Variants in NRXN2 observed in about 807,000 individuals in gnomAD.
NRXN2 encodes neurexin 2, also known as neurexin-2-beta.
Under a neutral mutation model 128.8 loss-of-function variants are expected in NRXN2, and 29 were observed. The ratio of observed to expected loss-of-function variants is 0.23; its 90% CI spans 0.17 to 0.31. NRXN2 has a LOEUF of 0.31. NRXN2 is among the 10% of genes least tolerant of loss of function. The probability of loss-of-function intolerance (pLI) is 1.00; values close to 1 mark genes in which losing one functional copy is unlikely to be tolerated. For missense variants in NRXN2, 1,881 were observed against 2,452.6 expected (o/e 0.77, Z 4.92); for synonymous variants, 1,098 against 1,075.2 (o/e 1.02, Z -0.41).
intron 17 of NRXN2, chr11:64,642,920 C>T (rs2045961782): frequency 1.9e-6 from 2 of 1,026,166 alleles, no homozygotes; most frequent in South Asian, 4.6e-5. Flanking sequence ...AGGGATGAAG[C>T]GGAGGTAAAC....
intron 2 of NRXN2, among the ~76,000 whole-genome samples, chr11:64,704,625 G>GAGAGAA (rs1316593245): frequency 5.9e-5 from 3 of 51,126 alleles, no homozygotes; most frequent in Admixed American, 2.3e-4. Context: ...CACACACACA[G>GAGAGAA]AGAGAGAGAG....
chr11:64,639,611 C>T (rs2045349082), intron 17 of NRXN2, among the ~76,000 whole-genome samples: 3 of 152,046 alleles, frequency 2.0e-5, no homozygotes, highest in Non-Finnish European at 4.4e-5. Context: ...GCCAGTCCTC[C>T]CATGCCCCAG....
Position 64,648,854 on chromosome 11 carries a change from G to A in NRXN2, c.3163C>T (p.Leu1055=). 6.2e-7 allele frequency: 1 copy of A among 1,614,208 alleles called. No homozygotes were observed. The highest frequency in any genetic ancestry group is 1.1e-5 in the South Asian group (1 of 91,084). The change falls in exon 16 of 23, where the codon CTG becomes TTG. Residue 1055 remains leucine, a synonymous_variant. Transcript: ENST00000265459. The surrounding 1 kb of genome is among the most constrained non-coding windows in gnomAD (Gnocchi z 4.1). The part of the protein sequence containing the change: ...SKNMFSNLPK[L]VASRDGFQGC... ...TGAAAGCCATCCCGGGAGGCCACCA[G>A]CTTGGGCAGGTTGCTGAACATATTC...
In NRXN2 at chr11:64,632,977, A is replaced by G. The variant is rs1024876606; in HGVS notation, c.3585+2294T>C. Among the ~76,000 whole-genome samples the G allele has an allele frequency of 3.3e-5, 5 of 152,072 alleles. No homozygotes were observed. The highest frequency in any genetic ancestry group is 1.2e-4 in the African/African-American group (5 of 41,394). ...GAGCTGATGTGTCACCAGGGGAGGA[A>G]GGGGTTTGGGGGCTGCCCCCAGGGG... On this transcript the variant is annotated intron_variant, in intron 18 of 22. Coordinates refer to ENST00000265459, the MANE Select transcript of NRXN2 (RefSeq NM_015080.4). The surrounding 1 kb of genome is among the most constrained non-coding windows in gnomAD (Gnocchi z 4.2).
rs977297201 is a variant in NRXN2, at chr11:64,623,334, G to T, written c.3848-256C>A. On this transcript the variant is annotated intron_variant, in intron 20 of 22. Transcript: ENST00000265459. This position sits in a 1 kb window ranked among gnomAD's most constrained non-coding sequence, Gnocchi z 4.9. ...CAGGGTACACATGGGCTGGGGAAGG[G>T]GAGCCCAGTCCCTCCTCCCCACCAT... 8.6e-6 allele frequency: 5 copies of T among 579,892 alleles called. No homozygotes were observed. In the Admixed American group the frequency reaches 1.2e-4, roughly 14 times the overall value. The allele number at this position is 579,892 out of a possible 1,614,324, so 35.9% of individuals were successfully genotyped here. A position where few individuals can be genotyped will look rare whatever the true frequency, so the allele number is the denominator to read the frequency against.
chr11:64,642,481 G>C, intron 17 of NRXN2: 3 of 1,550,674 alleles, frequency 1.9e-6, no homozygotes, highest in Non-Finnish European at 2.6e-6. Flanking sequence ...CTGCGCACAC[G>C]GGAAGCGCCC....
In NRXN2 at chr11:64,623,210, C is replaced by G. The variant is rs149019797; in HGVS notation, c.3848-132G>C. The G allele has an allele frequency of 1.4e-6, 2 of 1,381,782 alleles. No individual in the cohort carries two copies. The highest frequency in any genetic ancestry group is 1.9e-6 in the Non-Finnish European group (2 of 1,042,810). The allele number at this position is 1,381,782 out of a possible 1,614,324, so 85.6% of individuals were successfully genotyped here. A position where few individuals can be genotyped will look rare whatever the true frequency, so the allele number is the denominator to read the frequency against. The stretch of plus-strand genomic sequence containing the variant: ...AGAAAGCCAGTAAGGGAGGAGGGGA[C>G]GGGGAGAAATGAGGAAGGGGCAGAA... On this transcript the variant is annotated intron_variant, in intron 20 of 22. Transcript: ENST00000265459. This position sits in a 1 kb window ranked among gnomAD's most constrained non-coding sequence, Gnocchi z 4.9.
chr11:64,648,812 C>T lies in NRXN2; in HGVS notation c.3205G>A (p.Val1069Met). The T allele has an allele frequency of 6.2e-7, 1 of 1,614,204 alleles. No individual in the cohort carries two copies. Among genetic ancestry groups the T allele is most frequent in the Non-Finnish European group, 8.5e-7 (1 of 1,180,014 alleles). Reference sequence around the variant, plus strand: ...TCTGGGAGACGTCCGTTGAGGTCCACTGAGGCCAGGCAGCCCTGAAAGCCA... The same window carrying T: ...TCTGGGAGACGTCCGTTGAGGTCCATTGAGGCCAGGCAGCCCTGAAAGCCA... The part of the protein sequence containing the change: ...RDGFQGCLAS[V>M]DLNGRLPDLI... Residue 1069 changes from valine to methionine, a missense_variant, in exon 16 of 23, where the codon GTG (valine) becomes ATG (methionine). Val to Met is a conservative substitution (Grantham distance 21). This residue lies in a region of NRXN2 where 390 missense variants were observed against 599.6 expected (regional missense o/e 0.65). Transcript: ENST00000265459. This position sits in a 1 kb window ranked among gnomAD's most constrained non-coding sequence, Gnocchi z 4.1.
At chr11:64,642,109 G>A (rs1319901697) in intron 17 of NRXN2, among the ~76,000 whole-genome samples, 1 of 151,990 alleles carries the variant, frequency 6.6e-6, no homozygotes, top group Non-Finnish European at 1.5e-5. Context: ...GGAAGGGTGA[G>A]GGTGAGGCAG....
At chr11:64,609,616 G>A (rs2040307319) in intron 22 of NRXN2, among the ~76,000 whole-genome samples, 1 of 152,218 alleles carries the variant, frequency 6.6e-6, no homozygotes, top group African/African-American at 2.4e-5. Flanking sequence ...GTCAACAACT[G>A]TGACTCCCAT....
At chr11:64,686,052 G>T in intron 5 of NRXN2, 105 bp from the exon 6 acceptor site, 1 of 1,269,264 alleles carries the variant, frequency 7.9e-7, no homozygotes, top group African/African-American at 1.5e-5. Context: ...TGGGCACCAG[G>T]AGCCCAGAGG....
chr11:64,655,254 C>G (rs1232597273), intron 11 of NRXN2, among the ~76,000 whole-genome samples: 1 of 152,178 alleles, frequency 6.6e-6, no homozygotes, highest in African/African-American at 2.4e-5. Context: ...CAGCCAGGAC[C>G]CTGGGCCACA....
chr11:64,630,087 C>A lies in NRXN2; in HGVS notation c.3757+315G>T, dbSNP rs1278644416. On this transcript the variant is annotated intron_variant, in intron 19 of 22. Transcript: ENST00000265459. This position sits in a 1 kb window ranked among gnomAD's most constrained non-coding sequence, Gnocchi z 4.6. Reference sequence around the variant, plus strand: ...GCATCAGATTCTCCTCACCTCTACCCTCCCTCCACTTCTCCCCCCACCCCC... The same window carrying A: ...GCATCAGATTCTCCTCACCTCTACCATCCCTCCACTTCTCCCCCCACCCCC... 6.6e-6 allele frequency among the ~76,000 whole-genome samples: 1 copy of A among 152,030 alleles called. No individual in the cohort carries two copies. Among genetic ancestry groups the A allele is most frequent in the African/African-American group, 2.4e-5 (1 of 41,408 alleles).
intron 5 of NRXN2, chr11:64,688,687 A>T: frequency 1.0e-6 from 1 of 985,322 alleles, no homozygotes. Context: ...ATAATAGCTG[A>T]TGCTCGTTTA....
intron 3 of NRXN2, among the ~76,000 whole-genome samples, chr11:64,693,977 C>T (rs947141508): frequency 6.6e-6 from 1 of 152,146 alleles, no homozygotes; most frequent in Non-Finnish European, 1.5e-5. Context: ...ATTACACTGG[C>T]CCCTTGAGAC....
chr11:64,650,652 G>A lies in NRXN2; in HGVS notation c.2919-14C>T. 6.2e-7 allele frequency: 1 copy of A among 1,613,804 alleles called. No individual in the cohort carries two copies. The highest frequency in any genetic ancestry group is 8.5e-7 in the Non-Finnish European group (1 of 1,179,704). On this transcript the variant is annotated splice_polypyrimidine_tract_variant and intron_variant, in intron 14 of 22. Coordinates refer to ENST00000265459, the MANE Select transcript of NRXN2 (RefSeq NM_015080.4). ...TAGTGGATGTACCTGCCCCACAGTA[G>A]GGAGGAGACACTGGGTCAGGGCGGG... is the stretch of plus-strand genomic sequence containing the variant.
Position 64,661,112 on chromosome 11 carries a change from G to A in NRXN2, c.1826C>T (p.Thr609Met), listed in dbSNP as rs771232556. The A allele has an allele frequency of 8.1e-6, 13 of 1,613,452 alleles. No homozygotes were observed. Among genetic ancestry groups the A allele is most frequent in the Non-Finnish European group, 7.6e-6 (9 of 1,180,046 alleles). ...KGSISVNSRS[T>M]PFLATGDSEI... is the part of the protein sequence containing the mutation. ...GCTGTCTCCAGTGGCCAAGAACGGC[G>A]TGCTGCGACTATTCACTGAGATGGA... Residue 609 changes from threonine to methionine, a missense_variant, in exon 10 of 23, where the codon ACG (threonine) becomes ATG (methionine). By Grantham distance (81) the Thr-to-Met change is moderately conservative. This residue lies in a region of NRXN2 where 997 missense variants were observed against 1,240.8 expected (regional missense o/e 0.80). Transcript: ENST00000265459.
intron 12 of NRXN2, 69 bp from the exon 13 acceptor site, chr11:64,652,223 G>A: frequency 6.5e-7 from 1 of 1,542,644 alleles, no homozygotes; most frequent in Non-Finnish European, 8.7e-7. Flanking sequence ...ATATCACCTT[G>A]GATACACAGA....
At chr11:64,639,288 A>G (rs1327313771) in intron 17 of NRXN2, among the ~76,000 whole-genome samples, 1 of 152,198 alleles carries the variant, frequency 6.6e-6, no homozygotes, top group Non-Finnish European at 1.5e-5. Context: ...CTAGGATCCC[A>G]GAACACAGCC....
Sources: gnomAD v4.1 joint callset for allele counts (sites outside exome capture counted in the v4.1 genomes callset) on GRCh38, gnomAD v4.1.1 for gene constraint, gnomAD v4.1.1 regional missense constraint, Gnocchi (gnomAD v3.1) non-coding constraint, MANE v1.5 for transcripts, NCBI Gene and HGNC (gene_info 2026-07-23, HGNC 2026-07-21) for gene names.